The following MARCHF5 variants were observed in gnomAD, a reference collection of about 807,000 sequenced individuals.
MARCHF5 encodes E3 ubiquitin-protein ligase MARCHF5.
A neutral mutation model predicts 36.5 loss-of-function variants in MARCHF5; 5 were observed. That is an observed-to-expected ratio of 0.14 (90% CI 0.07 to 0.29). The LOEUF is 0.29. MARCHF5 is among the 10% of genes least tolerant of loss of function. The probability of loss-of-function intolerance (pLI) is 1.00; values close to 1 mark genes in which losing one functional copy is unlikely to be tolerated. For missense variants in MARCHF5, 179 were observed against 336.3 expected, an observed-to-expected ratio of 0.53 and a Z score of 3.66; for synonymous variants, 103 against 109.9, an observed-to-expected ratio of 0.94 and a Z score of 0.39.
intron 5 of MARCHF5, among the ~76,000 whole-genome samples, chr10:92,350,548 G>C (rs548611446): frequency 2.0e-4 from 30 of 152,294 alleles, no homozygotes; most frequent in South Asian, 6.2e-4. Flanking sequence ...GTTCACAGCA[G>C]GCTTGCGAGA....
At chr10:92,299,449 T>C (rs138998511) in intron 1 of MARCHF5, among the ~76,000 whole-genome samples, 5 of 152,328 alleles carry the variant, frequency 3.3e-5, no homozygotes, top group Non-Finnish European at 5.9e-5. Context: ...CTTTCATTTC[T>C]TTATTTTTGC....
chr10:92,306,534 T>G (rs1332309141), intron 1 of MARCHF5, among the ~76,000 whole-genome samples: 3 of 152,196 alleles, frequency 2.0e-5, no homozygotes, highest in Non-Finnish European at 4.4e-5. Context: ...GTCCCCTCCA[T>G]TCCAAGATGT....
At chr10:92,314,799 TCAAACTCCTGGGCTCAAG>T (rs1457459223) in intron 2 of MARCHF5, among the ~76,000 whole-genome samples, 2 of 137,894 alleles carry the variant, frequency 1.5e-5, no homozygotes, top group Non-Finnish European at 1.5e-5. Context: ...CAGGCTTGTC[TCAAACTCCTGGGCTCAAG>T]CAATCCACCT....
chr10:92,318,899 G>T (rs1843250648), intron 2 of MARCHF5, among the ~76,000 whole-genome samples: 1 of 151,938 alleles, frequency 6.6e-6, no homozygotes, highest in African/African-American at 2.4e-5. Flanking sequence ...TAGAGTTGGG[G>T]TTTCACCATG....
intron 2 of MARCHF5, among the ~76,000 whole-genome samples, chr10:92,316,225 C>T (rs1843207689): frequency 6.6e-6 from 1 of 152,038 alleles, no homozygotes; most frequent in Admixed American, 6.6e-5. Context: ...GCCAATTCTG[C>T]ATCTTTTCTG....
chr10:92,325,436 T>C (rs1287783341), intron 2 of MARCHF5, among the ~76,000 whole-genome samples: 1 of 152,234 alleles, frequency 6.6e-6, no homozygotes, highest in Non-Finnish European at 1.5e-5. Context: ...TTAATTTATT[T>C]TGGCGCTCTG....
intron 2 of MARCHF5, among the ~76,000 whole-genome samples, chr10:92,327,857 T>A (rs1008537911): frequency 6.6e-6 from 1 of 151,934 alleles, no homozygotes; most frequent in Non-Finnish European, 1.5e-5. Flanking sequence ...TTGAAAAAGC[T>A]AGCATAAAAG....
intron 2 of MARCHF5, among the ~76,000 whole-genome samples, chr10:92,321,732 A>G (rs893989687): frequency 1.3e-5 from 2 of 152,094 alleles, no homozygotes; most frequent in Non-Finnish European, 2.9e-5. Context: ...TTACAGGTCT[A>G]TTCAGATTTT....
chr10:92,334,035 A>T (rs1843471780), intron 2 of MARCHF5, among the ~76,000 whole-genome samples: 1 of 152,120 alleles, frequency 6.6e-6, no homozygotes, highest in Admixed American at 6.6e-5. Flanking sequence ...GCTAAAAATA[A>T]AAAAATTAGC....
chr10:92,349,465 G>A lies in MARCHF5; in HGVS notation c.486G>A (p.Glu162=), dbSNP rs1590670933. 6.2e-7 allele frequency: 1 copy of A among 1,614,064 alleles called. No individual in the cohort carries two copies. The highest frequency in any genetic ancestry group is 8.5e-7 in the Non-Finnish European group (1 of 1,180,016). The part of the protein sequence containing the change: ...MLILGKMIRW[E]DYVLRLWRKY... ...TATTAGGCAAGATGATTCGCTGGGA[G>A]GACTATGTGCTTAGACTGTGGCGCA... The change falls in exon 4 of 6, where the codon GAG becomes GAA. Residue 162 remains glutamate, a synonymous_variant. Coordinates refer to ENST00000358935, the MANE Select transcript of MARCHF5 (RefSeq NM_017824.5).
At chr10:92,315,361 T>G (rs1179312510) in intron 2 of MARCHF5, among the ~76,000 whole-genome samples, 1 of 152,242 alleles carries the variant, frequency 6.6e-6, no homozygotes, top group African/African-American at 2.4e-5. Context: ...GCCAGTAGAT[T>G]GTTTTGTTTC....
chr10:92,339,861 A>G (rs1274293088), intron 2 of MARCHF5, among the ~76,000 whole-genome samples: 1 of 152,206 alleles, frequency 6.6e-6, no homozygotes, highest in African/African-American at 2.4e-5. Context: ...GTCAGATTTC[A>G]GAGTAAGCAT....
In MARCHF5 at chr10:92,349,648, C is replaced by T. The variant is rs765953305; in HGVS notation, c.554-23C>T. 15 of 1,610,626 alleles carry T rather than the reference C, an allele frequency of 9.3e-6. No individual in the cohort carries two copies. In the East Asian group the frequency reaches 1.3e-4, roughly 14 times the overall value. On this transcript the variant is annotated intron_variant, in intron 4 of 5. Coordinates refer to ENST00000358935, the MANE Select transcript of MARCHF5 (RefSeq NM_017824.5). ...AACTCTTCTGATTTATTAGCACTAA[C>T]GCACTGCATTTTTTTCCTCTAGGGA...
At chr10:92,331,254 C>G (rs1564950814) in intron 2 of MARCHF5, among the ~76,000 whole-genome samples, 1 of 152,016 alleles carries the variant, frequency 6.6e-6, no homozygotes, top group Admixed American at 6.6e-5. Flanking sequence ...TTAGAAGGCT[C>G]TTCTTAGCAT....
At chr10:92,334,768 T>G (rs528708562) in intron 2 of MARCHF5, among the ~76,000 whole-genome samples, 1 of 152,376 alleles carries the variant, frequency 6.6e-6, no homozygotes, top group Non-Finnish European at 1.5e-5. Flanking sequence ...TCTTTTTTAG[T>G]AGACATTGAC....
At chr10:92,323,524 T>C (rs992435731) in intron 2 of MARCHF5, among the ~76,000 whole-genome samples, 2 of 152,216 alleles carry the variant, frequency 1.3e-5, no homozygotes, top group Admixed American at 1.3e-4. Context: ...TATAGTATTA[T>C]ACAGAATAGT....
chr10:92,291,533 C>A lies in MARCHF5; in HGVS notation c.35+4C>A. ...CCCTACAGCAGATGCTGGACAGGTA[C>A]GGGCAGCTGTGGGGGGGACCGGGAG... On this transcript the variant is annotated splice_donor_region_variant and intron_variant, in intron 1 of 5. Coordinates refer to ENST00000358935, the MANE Select transcript of MARCHF5 (RefSeq NM_017824.5). 2 of 1,542,534 alleles carry A rather than the reference C, an allele frequency of 1.3e-6. No individual in the cohort carries two copies. Among genetic ancestry groups the A allele is most frequent in the Admixed American group, 2.0e-5 (1 of 50,460 alleles).
chr10:92,301,694 A>G (rs1237978798), intron 1 of MARCHF5, among the ~76,000 whole-genome samples: 1 of 152,250 alleles, frequency 6.6e-6, no homozygotes, highest in Non-Finnish European at 1.5e-5. Flanking sequence ...CTGATATAAA[A>G]TGGTGTAGTA....
chr10:92,333,506 G>A (rs558798186), intron 2 of MARCHF5: 2 of 238,968 alleles, frequency 8.4e-6, no homozygotes, highest in Admixed American at 1.3e-4. Flanking sequence ...CATGGCCCTT[G>A]CCCCCTGGGA....
Sources: allele counts gnomAD v4.1 joint callset (sites outside exome capture counted in the v4.1 genomes callset), GRCh38; gene constraint gnomAD v4.1.1; transcripts MANE v1.5; gene names NCBI Gene and HGNC (gene_info 2026-07-23, HGNC 2026-07-21).